The following PTBP3 variants were observed in gnomAD, a reference collection of about 807,000 sequenced individuals.
PTBP3 encodes the protein polypyrimidine tract-binding protein 3.
A neutral mutation model predicts 58.7 loss-of-function variants in PTBP3; 20 were observed. The observed-to-expected ratio is 0.34, with a 90% CI of 0.24 to 0.50. The LOEUF (loss-of-function observed/expected upper bound fraction) is 0.50. PTBP3 is among the 20% of genes least tolerant of loss of function. PTBP3 has a pLI of 0.98. For missense variants in PTBP3, 509 were observed against 637.2 expected (o/e 0.80, Z 2.17); for synonymous variants, 185 against 219.8 (o/e 0.84, Z 1.40).
chr9:112,343,947 T>G, the PTBP3 span, among the ~76,000 whole-genome samples: 1 of 152,194 alleles, frequency 6.6e-6, no homozygotes, highest in African/African-American at 2.4e-5. Flanking sequence ...TTTTCATATT[T>G]GACTATACAT....
rs943218213 is a variant in PTBP3 at position 112,219,341 on chromosome 9, C to A, written c.*4510G>T. On this transcript the variant is annotated 3_prime_UTR_variant, in exon 14 of 14. Coordinates refer to ENST00000374257, the MANE Select transcript of PTBP3 (RefSeq NM_001163788.4). The stretch of plus-strand genomic sequence containing the variant: ...TTTTTTAATGGCATCAAAAAAATAG[C>A]TATTTAAATATTTGTTATTACAACT... The A allele has an allele frequency of 1.3e-5, 2 of 152,172 alleles. No individual in the cohort carries two copies. Among genetic ancestry groups the A allele is most frequent in the African/African-American group, 4.8e-5 (2 of 41,344 alleles). The allele number at this position is 152,172 out of a possible 1,614,324, so 9.4% of individuals were successfully genotyped here. A position where few individuals can be genotyped will look rare whatever the true frequency, so the allele number is the denominator to read the frequency against.
At chr9:112,358,573 A>G in the PTBP3 span, among the ~76,000 whole-genome samples, 1 of 152,212 alleles carries the variant, frequency 6.6e-6, no homozygotes, top group Admixed American at 6.5e-5. Flanking sequence ...AGATATGACT[A>G]GTGAGCAATG....
chr9:112,235,240 T>G (rs1390966287), intron 7 of PTBP3, among the ~76,000 whole-genome samples: 2 of 152,108 alleles, frequency 1.3e-5, no homozygotes, highest in African/African-American at 4.8e-5. Context: ...CTATGCTGAT[T>G]TAAAAAAAAA....
intron 7 of PTBP3, among the ~76,000 whole-genome samples, chr9:112,237,639 G>A (rs1364111565): frequency 6.6e-6 from 1 of 152,144 alleles, no homozygotes; most frequent in Non-Finnish European, 1.5e-5. Flanking sequence ...GGAGTAACTA[G>A]GCCCAAACTC....
chr9:112,379,583 G>C, the PTBP3 span, among the ~76,000 whole-genome samples: 6 of 152,380 alleles, frequency 3.9e-5, no homozygotes, highest in Non-Finnish European at 7.3e-5. Flanking sequence ...TTCGGCGGGA[G>C]AGTGGAAACG....
the PTBP3 span, among the ~76,000 whole-genome samples, chr9:112,340,501 A>G: frequency 4.6e-5 from 7 of 152,242 alleles, no homozygotes; most frequent in South Asian, 2.1e-4. Context: ...TTTAAATAAC[A>G]TAATAATTTT....
rs375972208 is a variant in PTBP3 at position 112,270,459 on chromosome 9, T to C, written c.205-2264A>G. On this transcript the variant is annotated intron_variant, in intron 3 of 13. Coordinates refer to ENST00000374257, the MANE Select transcript of PTBP3 (RefSeq NM_001163788.4). ...AGAAAAGAGTGCTATTTGGGGAATA[T>C]CAAGTTTTACTTAAAATAATCTACG... 8.5e-5 allele frequency among the ~76,000 whole-genome samples: 13 copies of C among 152,344 alleles called. No homozygotes were observed. The South Asian group carries it at 1.4e-3, about 17-fold the overall frequency.
Position 112,220,164 on chromosome 9 carries a change from T to C in PTBP3, c.*3687A>G, listed in dbSNP as rs1378764871. On this transcript the variant is annotated 3_prime_UTR_variant, in exon 14 of 14. Coordinates refer to ENST00000374257, the MANE Select transcript of PTBP3 (RefSeq NM_001163788.4). ...AGGGATAGGTGGGGAAAAACACATG[T>C]ACTTTTGTCAATTTTTTGTCCAAAA... 10 of 1,325,796 alleles carry C rather than the reference T, an allele frequency of 7.5e-6. No individual in the cohort carries two copies. Among genetic ancestry groups the C allele is most frequent in the Non-Finnish European group, 9.9e-6 (10 of 1,008,702 alleles). The allele number at this position is 1,325,796 out of a possible 1,614,324, so 82.1% of individuals were successfully genotyped here. A position where few individuals can be genotyped will look rare whatever the true frequency, so the allele number is the denominator to read the frequency against.
At chr9:112,364,919 G>A in the PTBP3 span, among the ~76,000 whole-genome samples, 8 of 152,098 alleles carry the variant, frequency 5.3e-5, no homozygotes, top group East Asian at 1.9e-4. Context: ...TTTCAGTACC[G>A]TGTAATCTAC....
intron 7 of PTBP3, among the ~76,000 whole-genome samples, chr9:112,240,722 A>T (rs1046574970): frequency 1.3e-5 from 2 of 151,768 alleles, no homozygotes; most frequent in African/African-American, 4.8e-5. Flanking sequence ...ATAAGAAAGT[A>T]TTGTCATTAT....
chr9:112,262,640 C>T (rs574068106), intron 4 of PTBP3, 41 bp from the exon 5 acceptor site: 44 of 1,501,346 alleles, frequency 2.9e-5, no homozygotes, highest in South Asian at 1.2e-4. Flanking sequence ...ATTATACAGA[C>T]GCATTATATG....
intron 2 of PTBP3, among the ~76,000 whole-genome samples, chr9:112,276,764 C>A (rs1827628644): frequency 6.6e-6 from 1 of 152,060 alleles, no homozygotes; most frequent in Admixed American, 6.5e-5. Context: ...ATTATCTAAG[C>A]TAAATTTATT....
At chr9:112,266,247 C>A (rs2132148731) in intron 4 of PTBP3, among the ~76,000 whole-genome samples, 1 of 152,096 alleles carries the variant, frequency 6.6e-6, no homozygotes, top group Middle Eastern at 3.4e-3. Flanking sequence ...TTAAAAATGG[C>A]TGAAATGGTA....
At chr9:112,292,071 A>G (rs924947112) in intron 2 of PTBP3, among the ~76,000 whole-genome samples, 6 of 152,252 alleles carry the variant, frequency 3.9e-5, no homozygotes, top group Non-Finnish European at 5.9e-5. Context: ...AGTGCTTATT[A>G]GAGAGAAAAT....
chr9:112,374,420 C>T, the PTBP3 span, among the ~76,000 whole-genome samples: 1 of 152,208 alleles, frequency 6.6e-6, no homozygotes, highest in East Asian at 1.9e-4. Context: ...ACTTCCACTT[C>T]TACCCCTTGA....
At chr9:112,263,330 C>T (rs1836674887) in intron 4 of PTBP3, among the ~76,000 whole-genome samples, 1 of 152,124 alleles carries the variant, frequency 6.6e-6, no homozygotes, top group African/African-American at 2.4e-5. Context: ...AAAGTACCTG[C>T]CCACAAAATA....
At position 112,222,150 on chromosome 9, in the gene PTBP3, C is replaced by G. The variant is rs1422910020; in HGVS notation, c.*1701G>C. The G allele has an allele frequency of 2.8e-5, 28 of 985,664 alleles. No homozygotes were observed. The highest frequency in any genetic ancestry group is 3.3e-5 in the Non-Finnish European group (27 of 829,864). The allele number at this position is 985,664 out of a possible 1,614,324, so 61.1% of individuals were successfully genotyped here. A position where few individuals can be genotyped will look rare whatever the true frequency, so the allele number is the denominator to read the frequency against. On this transcript the variant is annotated 3_prime_UTR_variant, in exon 14 of 14. Coordinates refer to ENST00000374257, the MANE Select transcript of PTBP3 (RefSeq NM_001163788.4). ...AGTTGAGATGAGACACTTTGAGAAT[C>G]TGAAAAGTGTAAAAGGGGTAGACAA...
chr9:112,235,389 T>C (rs1835400781), intron 7 of PTBP3, among the ~76,000 whole-genome samples: 1 of 152,212 alleles, frequency 6.6e-6, no homozygotes, highest in Non-Finnish European at 1.5e-5. Flanking sequence ...TCACTGTGAC[T>C]GGTCAGAGAA....
chr9:112,291,292 A>G (rs1174232841), intron 2 of PTBP3, among the ~76,000 whole-genome samples: 1 of 152,174 alleles, frequency 6.6e-6, no homozygotes, highest in African/African-American at 2.4e-5. Context: ...TTAAATGTCC[A>G]TAATATTCAA....
Sources: allele counts gnomAD v4.1 joint callset (sites outside exome capture counted in the v4.1 genomes callset), GRCh38; gene constraint gnomAD v4.1.1; transcripts MANE v1.5; gene names NCBI Gene and HGNC (gene_info 2026-07-23, HGNC 2026-07-21).